Variants in DOLPP1 observed in about 807,000 individuals in gnomAD.
The protein encoded by DOLPP1 is dolichyl pyrophosphate phosphatase 1.
Under a neutral mutation model 34.1 loss-of-function variants are expected in DOLPP1, and 15 were observed. The observed-to-expected ratio is 0.44, with a 90% CI of 0.29 to 0.68. The LOEUF (loss-of-function observed/expected upper bound fraction) is 0.68, where lower values mean the gene tolerates loss of function less well. Ranked by LOEUF, DOLPP1 falls within the 30% of genes least tolerant of loss-of-function variation. The probability of loss-of-function intolerance (pLI) is 0.12; values close to 1 mark genes in which losing one functional copy is unlikely to be tolerated. For synonymous variants in DOLPP1, 130 were observed against 128.2 expected, an observed-to-expected ratio of 1.01 and a Z score of -0.10; for missense variants, 249 against 307.1, an observed-to-expected ratio of 0.81 and a Z score of 1.41.
At position 129,085,059 on chromosome 9, in the gene DOLPP1, G is replaced by T. The variant is rs765726730; in HGVS notation, c.214G>T (p.Val72Phe). 4 of 1,588,394 alleles carry T rather than the reference G, an allele frequency of 2.5e-6. No individual in the cohort carries two copies. Among genetic ancestry groups the T allele is most frequent in the Non-Finnish European group, 3.4e-6 (4 of 1,167,432 alleles). Residue 72 changes from valine (V) to phenylalanine (F), a missense_variant, in exon 3 of 8, where the codon GTC (valine) becomes TTC (phenylalanine). Val to Phe is a conservative substitution (Grantham distance 50). Transcript: ENST00000372546. The surrounding 1 kb of genome is among the most constrained non-coding windows in gnomAD (Gnocchi z 7.0). ...TGGGGGCCTGGCACTGAACGAGGGG[G>T]TCAACTGGCTGATCAAAAACGTCAT... ...FLGGLALNEG[V>F]NWLIKNVIQE...
At position 129,089,360 on chromosome 9, in the gene DOLPP1, G is replaced by C. The variant is rs993480978; in HGVS notation, c.*353G>C. 3.8e-6 allele frequency: 1 copy of C among 263,742 alleles called. No individual in the cohort carries two copies. The highest frequency in any genetic ancestry group is 7.5e-6 in the Non-Finnish European group (1 of 133,978). 16.3% of individuals were successfully genotyped at this position (263,742 alleles called of 1,614,324 possible). On this transcript the variant is annotated 3_prime_UTR_variant, in exon 8 of 8. Coordinates refer to ENST00000372546, the MANE Select transcript of DOLPP1 (RefSeq NM_020438.5). This position sits in a 1 kb window ranked among gnomAD's most constrained non-coding sequence, Gnocchi z 4.9. ...CGGGGCCAGGAATTCCAGGTGGCGT[G>C]AGAAGTACACACTATTTATTTTTTG...
At position 129,085,260 on chromosome 9, in the gene DOLPP1, T is replaced by C; in HGVS notation, c.316T>C (p.Phe106Leu). 6.2e-7 allele frequency: 1 copy of C among 1,614,016 alleles called. No individual in the cohort carries two copies. The highest frequency in any genetic ancestry group is 8.5e-7 in the Non-Finnish European group (1 of 1,179,998). The stretch of plus-strand genomic sequence containing the variant: ...CGGGATGCCCTCCAGCCATTCCCAG[T>C]TTATGTGGTTCTTCTCCGTCTATTC... ...KYGMPSSHSQFMWFFSVYSFL... is the reference protein window; with the variant it reads ...KYGMPSSHSQLMWFFSVYSFL... Residue 106 changes from phenylalanine (F) to leucine (L), a missense_variant, in exon 4 of 8, where the codon TTT (phenylalanine) becomes CTT (leucine). Coordinates refer to ENST00000372546, the MANE Select transcript of DOLPP1 (RefSeq NM_020438.5). The surrounding 1 kb of genome is among the most constrained non-coding windows in gnomAD (Gnocchi z 7.0).
At chr9:129,086,875 G>A in intron 7 of DOLPP1, 77 bp downstream of exon 7, 2 of 1,298,090 alleles carry the variant, frequency 1.5e-6, no homozygotes, top group East Asian at 4.6e-5. Context: ...GGCTCTCCGG[G>A]AGCCTCGCGC....
chr9:129,082,337 C>G (rs1846906316), intron 1 of DOLPP1, among the ~76,000 whole-genome samples: 1 of 152,222 alleles, frequency 6.6e-6, no homozygotes, highest in Non-Finnish European at 1.5e-5. Context: ...TGCCTGTCTA[C>G]CATTCATTCA....
In DOLPP1 at chr9:129,081,219, T is replaced by G. The variant is rs765261536; in HGVS notation, c.76+12T>G. On this transcript the variant is annotated intron_variant, in intron 1 of 7. Coordinates refer to ENST00000372546, the MANE Select transcript of DOLPP1 (RefSeq NM_020438.5). ...CGAATATCCTGCAGGTAAAAGGCGG[T>G]CCCGGCTCCAAGGACGCCTTCCCAG... The G allele has an allele frequency of 6.2e-7, 1 of 1,607,422 alleles. No homozygotes were observed. Among genetic ancestry groups the G allele is most frequent in the Non-Finnish European group, 8.5e-7 (1 of 1,179,048 alleles).
intron 7 of DOLPP1, 88 bp from the exon 8 acceptor site, chr9:129,088,883 C>A: frequency 7.2e-7 from 1 of 1,379,958 alleles, no homozygotes. Context: ...CATTTGCCTA[C>A]TTAGTTGGGA....
chr9:129,081,904 G>A (rs906839163), intron 1 of DOLPP1, among the ~76,000 whole-genome samples: 10 of 152,200 alleles, frequency 6.6e-5, no homozygotes, highest in African/African-American at 2.4e-4. Flanking sequence ...ACCCATCTGG[G>A]CTCCAGTTGA....
At position 129,085,275 on chromosome 9, in the gene DOLPP1, T is replaced by C; in HGVS notation, c.331T>C (p.Ser111Pro). Reference sequence around the variant, plus strand: ...CCATTCCCAGTTTATGTGGTTCTTCTCCGTCTATTCCTTCCTTTTCCTGTA... The same window carrying C: ...CCATTCCCAGTTTATGTGGTTCTTCCCCGTCTATTCCTTCCTTTTCCTGTA... ...SSHSQFMWFF[S>P]VYSFLFLYLR... The change falls in exon 4 of 8, where the codon TCC becomes CCC. Residue 111 changes from serine (S) to proline (P), a missense_variant. By Grantham distance (74) the Ser-to-Pro change is moderately conservative. Coordinates refer to ENST00000372546, the MANE Select transcript of DOLPP1 (RefSeq NM_020438.5). The surrounding 1 kb of genome is among the most constrained non-coding windows in gnomAD (Gnocchi z 7.0). The C allele has an allele frequency of 6.2e-7, 1 of 1,614,112 alleles. No individual in the cohort carries two copies. The highest frequency in any genetic ancestry group is 8.5e-7 in the Non-Finnish European group (1 of 1,180,014).
At position 129,088,548 on chromosome 9, in the gene DOLPP1, C is replaced by T. The variant is rs1019178565; in HGVS notation, c.681-423C>T. Among the ~76,000 whole-genome samples, 6 of 152,180 alleles carry T rather than the reference C, an allele frequency of 3.9e-5. No individual in the cohort carries two copies. The South Asian group carries it at 1.0e-3, about 26-fold the overall frequency. On this transcript the variant is annotated intron_variant, in intron 7 of 7. Coordinates refer to ENST00000372546, the MANE Select transcript of DOLPP1 (RefSeq NM_020438.5). The stretch of plus-strand genomic sequence containing the variant: ...CCTCCATCAGTAGTTCTCCTGCTTT[C>T]GCTTGCATACCTCCCGGATGGGGAG...
rs187205038 is a variant in DOLPP1 at position 129,085,225 on chromosome 9, G to A, written c.281G>A (p.Gly94Asp). The A allele has an allele frequency of 6.2e-7, 1 of 1,614,064 alleles. No homozygotes were observed. ...RPCGGPHTAV[G>D]TKYGMPSSHS... The stretch of plus-strand genomic sequence containing the variant: ...CTCCCAGGCCCCCACACAGCAGTGG[G>A]CACCAAGTACGGGATGCCCTCCAGC... Residue 94 changes from glycine (G) to aspartate (D), a missense_variant, in exon 4 of 8, where the codon GGC becomes GAC. Transcript: ENST00000372546. The surrounding 1 kb of genome is among the most constrained non-coding windows in gnomAD (Gnocchi z 7.0).
chr9:129,085,129 C>A lies in DOLPP1; in HGVS notation c.262+22C>A. The A allele has an allele frequency of 6.2e-7, 1 of 1,606,224 alleles. No individual in the cohort carries two copies. On this transcript the variant is annotated intron_variant, in intron 3 of 7. Transcript: ENST00000372546. The surrounding 1 kb of genome is among the most constrained non-coding windows in gnomAD (Gnocchi z 7.0). ...GGAGGTAGGGCCTCAGCTGCGAGGG[C>A]CTGAGGTTCCCCCAGGTTGGGGCGT...
chr9:129,083,357 A>G (rs987801280), intron 1 of DOLPP1, among the ~76,000 whole-genome samples: 1 of 152,112 alleles, frequency 6.6e-6, no homozygotes, highest in African/African-American at 2.4e-5. Flanking sequence ...TGAGCTTCAT[A>G]GTGGAGAGGC....
intron 7 of DOLPP1, 80 bp downstream of exon 7, chr9:129,086,878 C>A: frequency 8.0e-7 from 1 of 1,248,354 alleles, no homozygotes; most frequent in Non-Finnish European, 1.2e-6. Context: ...TCTCCGGGAG[C>A]CTCGCGCCTG....
chr9:129,081,811 G>A (rs763420353), intron 1 of DOLPP1, among the ~76,000 whole-genome samples: 4 of 152,232 alleles, frequency 2.6e-5, no homozygotes, highest in Non-Finnish European at 4.4e-5. Flanking sequence ...TCGAAGTGCA[G>A]GGCTTTCCAG....
At chr9:129,086,323 G>T in intron 6 of DOLPP1, 56 bp downstream of exon 6, 1 of 1,599,856 alleles carries the variant, frequency 6.3e-7, no homozygotes, top group Non-Finnish European at 8.5e-7. Context: ...CTGTGGGTGG[G>T]GCCATCAGTG....
intron 6 of DOLPP1, among the ~76,000 whole-genome samples, 190 bp from the exon 7 acceptor site, chr9:129,086,519 G>C (rs1422429536): frequency 6.6e-6 from 1 of 152,228 alleles, no homozygotes; most frequent in Non-Finnish European, 1.5e-5. Context: ...CCGTGGGACA[G>C]TGCCCCTGCC....
At chr9:129,088,907 G>A in intron 7 of DOLPP1, 64 bp from the exon 8 acceptor site, 1 of 1,557,232 alleles carries the variant, frequency 6.4e-7, no homozygotes, top group Non-Finnish European at 8.8e-7. Context: ...CGGGTGGGGT[G>A]GGGACAGCTG....
intron 1 of DOLPP1, among the ~76,000 whole-genome samples, chr9:129,084,040 T>G (rs967296325): frequency 6.6e-6 from 1 of 152,254 alleles, no homozygotes; most frequent in Non-Finnish European, 1.5e-5. Context: ...GTAGGCAGTT[T>G]CCTGCCAGAG....
chr9:129,085,022 G>A lies in DOLPP1; in HGVS notation c.178-1G>A. 1 of 1,563,066 alleles carries A rather than the reference G, an allele frequency of 6.4e-7. No homozygotes were observed. Among genetic ancestry groups the A allele is most frequent in the Non-Finnish European group, 8.7e-7 (1 of 1,155,850 alleles). On this transcript the variant is annotated splice_acceptor_variant, in intron 2 of 7. Coordinates refer to ENST00000372546, the MANE Select transcript of DOLPP1 (RefSeq NM_020438.5). LOFTEE classifies it high-confidence loss of function. The surrounding 1 kb of genome is among the most constrained non-coding windows in gnomAD (Gnocchi z 7.0). The stretch of plus-strand genomic sequence containing the variant: ...AGCTGACCATGCGTCTTCCCCAGCA[G>A]ATCTCCTTCCTTGGGGGCCTGGCAC...
Sources: gnomAD v4.1 joint callset for allele counts (sites outside exome capture counted in the v4.1 genomes callset) on GRCh38, gnomAD v4.1.1 for gene constraint, Gnocchi (gnomAD v3.1) non-coding constraint, MANE v1.5 for transcripts, NCBI Gene and HGNC (gene_info 2026-07-23, HGNC 2026-07-21) for gene names.